Variants in PRDM13 observed in about 807,000 individuals in gnomAD.
PRDM13 encodes the protein PR domain zinc finger protein 13.
A neutral mutation model predicts 36.4 loss-of-function variants in PRDM13; 15 were observed. That is an observed-to-expected ratio of 0.41 (90% CI 0.28 to 0.64). The LOEUF is 0.64. PRDM13 is among the 30% of genes least tolerant of loss of function. The pLI is 0.29. For missense variants in PRDM13, 1,044 were observed against 1,013.5 expected (o/e 1.03, Z -0.41); for synonymous variants, 531 against 467.7 (o/e 1.14, Z -1.75).
At position 99,606,870 on chromosome 6, in the gene PRDM13, C is replaced by G; in HGVS notation, c.-165C>G. 4.3e-6 allele frequency: 4 copies of G among 937,254 alleles called. No individual in the cohort carries two copies. The highest frequency in any genetic ancestry group is 6.1e-6 in the Non-Finnish European group (4 of 659,602). 58.1% of individuals were successfully genotyped at this position (937,254 alleles called of 1,614,324 possible). A position where few individuals can be genotyped will look rare whatever the true frequency, so the allele number is the denominator to read the frequency against. On this transcript the variant is annotated 5_prime_UTR_variant, in exon 1 of 4. Coordinates refer to ENST00000369215, the MANE Select transcript of PRDM13 (RefSeq NM_021620.4). ...TGCGCTAGCGGTGCCAAAAGGCTCC[C>G]GCCCCGATTGAAAAGGCGCAGTGCA...
Position 99,614,321 on chromosome 6 carries a change from A to C in PRDM13, c.1686A>C (p.Gly562=), listed in dbSNP as rs750635230. 1.9e-6 allele frequency: 3 copies of C among 1,605,242 alleles called. No individual in the cohort carries two copies. Among genetic ancestry groups the C allele is most frequent in the Non-Finnish European group, 2.6e-6 (3 of 1,176,268 alleles). Residue 562 remains glycine, a synonymous_variant, in exon 4 of 4, where the codon GGA becomes GGC. Transcript: ENST00000369215. Reference sequence around the variant, plus strand: ...GAGGCACCGGGGGCGGCGGCAGCGGAGGCAGCGGCGCAGGTAAGCCCAAGA... The same window carrying C: ...GAGGCACCGGGGGCGGCGGCAGCGGCGGCAGCGGCGCAGGTAAGCCCAAGA... The part of the protein sequence containing the change: ...AAGGTGGGGS[G]GSGAGKPKTG...
rs750294866 is a variant in PRDM13, at chr6:99,614,123, C to T, written c.1488C>T (p.Ile496=). The stretch of plus-strand genomic sequence containing the variant: ...GGCTGCTGAAGTATCCGGAGTCCAT[C>T]TCCTACTTCAGCGGGCCTGCAGCGG... ...FGGLLKYPES[I]SYFSGPAAAA... is the part of the protein sequence containing the mutation. The change falls in exon 4 of 4, where the codon ATC becomes ATT. Residue 496 remains isoleucine (I), a synonymous_variant. Coordinates refer to ENST00000369215, the MANE Select transcript of PRDM13 (RefSeq NM_021620.4). 6 of 1,598,850 alleles carry T rather than the reference C, an allele frequency of 3.8e-6. No individual in the cohort carries two copies. The highest frequency in any genetic ancestry group is 4.3e-6 in the Non-Finnish European group (5 of 1,174,192).
intron 1 of PRDM13, among the ~76,000 whole-genome samples, chr6:99,607,912 G>T (rs960178203): frequency 1.3e-5 from 2 of 152,228 alleles, no homozygotes; most frequent in African/African-American, 4.8e-5. Flanking sequence ...ACACCGTCGC[G>T]ACCCCTGACC....
At chr6:99,607,423 C>T (rs554098776) in intron 1 of PRDM13, among the ~76,000 whole-genome samples, 6 of 152,104 alleles carry the variant, frequency 3.9e-5, no homozygotes, top group Non-Finnish European at 8.8e-5. Context: ...GCACTGAGCG[C>T]TGTAGGTGCC....
intron 3 of PRDM13, among the ~76,000 whole-genome samples, chr6:99,612,473 G>A (rs972141990): frequency 8.5e-5 from 13 of 152,190 alleles, no homozygotes; most frequent in African/African-American, 2.4e-4. Context: ...AGGCTGGAAG[G>A]GGGTGGAATG....
Position 99,613,082 on chromosome 6 carries a change from C to A in PRDM13, c.447C>A (p.Pro149=). The change falls in exon 4 of 4, where the codon CCC becomes CCA. Residue 149 remains proline (P), a synonymous_variant. Coordinates refer to ENST00000369215, the MANE Select transcript of PRDM13 (RefSeq NM_021620.4). This position sits in a 1 kb window ranked among gnomAD's most constrained non-coding sequence, Gnocchi z 6.1. ...ACTGCTGGAGGACGTTTAGATACCC[C>A]AACAGCCTTAAGGCACACCTGCGTT... The part of the protein sequence containing the change: ...CWYCWRTFRY[P]NSLKAHLRFH... 7 of 1,613,854 alleles carry A rather than the reference C, an allele frequency of 4.3e-6. No individual in the cohort carries two copies. Among genetic ancestry groups the A allele is most frequent in the Non-Finnish European group, 5.9e-6 (7 of 1,180,042 alleles).
rs746951046 is a variant in PRDM13, at chr6:99,614,553, G to T, written c.1918G>T (p.Val640Leu). 4 of 1,612,926 alleles carry T rather than the reference G, an allele frequency of 2.5e-6. No individual in the cohort carries two copies. Among genetic ancestry groups the T allele is most frequent in the Non-Finnish European group, 3.4e-6 (4 of 1,179,928 alleles). Reference sequence around the variant, plus strand: ...CTGCGAGTTCTGCGGCAAGGTACTTGTGCGCCGCCGGGACCTGGAGCGACA... The same window carrying T: ...CTGCGAGTTCTGCGGCAAGGTACTTTTGCGCCGCCGGGACCTGGAGCGACA... ...YRCEFCGKVL[V>L]RRRDLERHVK... The change falls in exon 4 of 4, where the codon GTG becomes TTG. Residue 640 changes from valine to leucine, a missense_variant. This residue lies in a region of PRDM13 where 115 missense variants were observed against 122.1 expected (regional missense o/e 0.94). Transcript: ENST00000369215.
rs1458392620 is a variant in PRDM13 at position 99,614,438 on chromosome 6, C to G, written c.1803C>G (p.Leu601=). 1 of 1,613,530 alleles carries G rather than the reference C, an allele frequency of 6.2e-7. No individual in the cohort carries two copies. The highest frequency in any genetic ancestry group is 1.3e-5 in the African/African-American group (1 of 74,948). Reference sequence around the variant, plus strand: ...GGACGCACACGGGCTACAAGCCACTCAAGTGCAAAGTCTGTCTGCGGCCCT... The same window carrying G: ...GGACGCACACGGGCTACAAGCCACTGAAGTGCAAAGTCTGTCTGCGGCCCT... The part of the protein sequence containing the change: ...HMRTHTGYKP[L]KCKVCLRPFG... Residue 601 remains leucine, a synonymous_variant, in exon 4 of 4, where the codon CTC becomes CTG. Coordinates refer to ENST00000369215, the MANE Select transcript of PRDM13 (RefSeq NM_021620.4).
Position 99,614,492 on chromosome 6 carries a change from C to T in PRDM13, c.1857C>T (p.His619=), listed in dbSNP as rs1424703070. The T allele has an allele frequency of 1.2e-6, 2 of 1,613,386 alleles. No homozygotes were observed. ...GCGACCCCAGCAATCTCAACAAGCA[C>T]ATCCGGCTGCACGCCGAGGGCAATA... is the stretch of plus-strand genomic sequence containing the variant. ...PFGDPSNLNK[H]IRLHAEGNTP... Residue 619 remains histidine (H), a synonymous_variant, in exon 4 of 4, where the codon CAC becomes CAT. Transcript: ENST00000369215.
In PRDM13 at chr6:99,613,003, C is replaced by CG. The variant is rs749950467; in HGVS notation, c.398-27dup. ...TATGTCTCGCTTGTTCGCCTCTCAC[C>CG]GGGTCGCTTTTCCATTCTTTCTTGC... On this transcript the variant is annotated intron_variant, in intron 3 of 3. Coordinates refer to ENST00000369215, the MANE Select transcript of PRDM13 (RefSeq NM_021620.4). This position sits in a 1 kb window ranked among gnomAD's most constrained non-coding sequence, Gnocchi z 6.1. 6.2e-7 allele frequency: 1 copy of CG among 1,610,862 alleles called. No homozygotes were observed. Among genetic ancestry groups the CG allele is most frequent in the Non-Finnish European group, 8.5e-7 (1 of 1,178,858 alleles).
Position 99,615,258 on chromosome 6 carries a change from A to G in PRDM13, c.*499A>G, listed in dbSNP as rs1341769129. 1 of 161,774 alleles carries G rather than the reference A, an allele frequency of 6.2e-6. No individual in the cohort carries two copies. Among genetic ancestry groups the G allele is most frequent in the Non-Finnish European group, 1.4e-5 (1 of 73,926 alleles). 10.0% of individuals were successfully genotyped at this position (161,774 alleles called of 1,614,324 possible). A position where few individuals can be genotyped will look rare whatever the true frequency, so the allele number is the denominator to read the frequency against. On this transcript the variant is annotated 3_prime_UTR_variant, in exon 4 of 4. Transcript: ENST00000369215. ...ACAATTGGGTAGATGTGACATCCAT[A>G]TACTTGTTTACATTTTATCTGTTCT...
Position 99,607,196 on chromosome 6 carries a change from C to G in PRDM13, c.144+18C>G. Reference sequence around the variant, plus strand: ...AGAAAAAGGTATTGACCATTCAGACCTCTGCCCACTGCCATTCGCCTCTCA... The same window carrying G: ...AGAAAAAGGTATTGACCATTCAGACGTCTGCCCACTGCCATTCGCCTCTCA... On this transcript the variant is annotated intron_variant, in intron 1 of 3. Coordinates refer to ENST00000369215, the MANE Select transcript of PRDM13 (RefSeq NM_021620.4). 1 of 1,611,970 alleles carries G rather than the reference C, an allele frequency of 6.2e-7. No individual in the cohort carries two copies. The highest frequency in any genetic ancestry group is 8.5e-7 in the Non-Finnish European group (1 of 1,179,546).
intron 3 of PRDM13, among the ~76,000 whole-genome samples, chr6:99,611,192 C>T (rs1047695157): frequency 7.2e-5 from 11 of 152,122 alleles, no homozygotes; most frequent in Admixed American, 7.2e-4. Context: ...TGGCTGCTAT[C>T]CTCCTAATAC....
At position 99,614,033 on chromosome 6, in the gene PRDM13, C is replaced by T. The variant is rs959490421; in HGVS notation, c.1398C>T (p.Asn466=). Residue 466 remains asparagine (N), a synonymous_variant, in exon 4 of 4, where the codon AAC becomes AAT. Coordinates refer to ENST00000369215, the MANE Select transcript of PRDM13 (RefSeq NM_021620.4). ...PAVMPAFTVY[N]GELLYGSPAT... ...TCATGCCGGCCTTTACAGTCTACAA[C>T]GGGGAGCTGCTCTACGGCTCACCGG... is the stretch of plus-strand genomic sequence containing the variant. 1.2e-6 allele frequency: 2 copies of T among 1,610,564 alleles called. No homozygotes were observed.
rs915626834 is a variant in PRDM13 at position 99,614,448 on chromosome 6, G to A, written c.1813G>A (p.Val605Ile). 2.5e-6 allele frequency: 4 copies of A among 1,613,494 alleles called. No individual in the cohort carries two copies. The African/African-American group carries it at 4.0e-5, about 16-fold the overall frequency. Residue 605 changes from valine to isoleucine, a missense_variant, in exon 4 of 4, where the codon GTC (valine) becomes ATC (isoleucine). Around this residue, in one of 3 missense-constraint regions of PRDM13, gnomAD observed 921 missense variants for 865.2 expected, o/e 1.06. Coordinates refer to ENST00000369215, the MANE Select transcript of PRDM13 (RefSeq NM_021620.4). ...GGGCTACAAGCCACTCAAGTGCAAA[G>A]TCTGTCTGCGGCCCTTCGGCGACCC... ...HTGYKPLKCKVCLRPFGDPSN... is the reference protein window; with the variant it reads ...HTGYKPLKCKICLRPFGDPSN...
rs74768350 is a variant in PRDM13, at chr6:99,615,063, G to A, written c.*304G>A. On this transcript the variant is annotated 3_prime_UTR_variant, in exon 4 of 4. Coordinates refer to ENST00000369215, the MANE Select transcript of PRDM13 (RefSeq NM_021620.4). ...GAACCGCCCAGGCGGTCTGCTCTTG[G>A]TGTTCAGAATCACATCAATGCGAAC... 732 of 437,512 alleles carry A rather than the reference G, an allele frequency of 1.7e-3. 4 individuals are homozygous for A. The highest frequency in any genetic ancestry group is 0.014 in the African/African-American group (676 of 49,494). The allele number at this position is 437,512 out of a possible 1,614,324, so 27.1% of individuals were successfully genotyped here.
Position 99,614,115 on chromosome 6 carries a change from G to A in PRDM13, c.1480G>A (p.Glu494Lys). 6.3e-7 allele frequency: 1 copy of A among 1,599,860 alleles called. No homozygotes were observed. The highest frequency in any genetic ancestry group is 8.5e-7 in the Non-Finnish European group (1 of 1,174,704). Residue 494 changes from glutamate to lysine, a missense_variant, in exon 4 of 4, where the codon GAG (glutamate) becomes AAG (lysine). Physicochemically the swap from Glu to Lys is moderately conservative, Grantham distance 56 (BLOSUM62 1). Coordinates refer to ENST00000369215, the MANE Select transcript of PRDM13 (RefSeq NM_021620.4). Reference protein sequence around the residue: ...LHFGGLLKYPESISYFSGPAA... With the variant: ...LHFGGLLKYPKSISYFSGPAA... ...CTTCGGCGGGCTGCTGAAGTATCCG[G>A]AGTCCATCTCCTACTTCAGCGGGCC...
Position 99,613,578 on chromosome 6 carries a change from G to A in PRDM13, c.943G>A (p.Glu315Lys). 1 of 1,501,290 alleles carries A rather than the reference G, an allele frequency of 6.7e-7. No individual in the cohort carries two copies. The highest frequency in any genetic ancestry group is 8.8e-7 in the Non-Finnish European group (1 of 1,134,708). The allele number at this position is 1,501,290 out of a possible 1,614,324, so 93.0% of individuals were successfully genotyped here. Reference protein sequence around the residue: ...AAAHGDPYREESSSKQGAGLA... With the variant: ...AAAHGDPYREKSSSKQGAGLA... ...CGCTCACGGCGACCCCTACCGGGAG[G>A]AGAGCAGCAGCAAGCAAGGAGCCGG... The change falls in exon 4 of 4, where the codon GAG (glutamate) becomes AAG (lysine). Residue 315 changes from glutamate to lysine, a missense_variant. Transcript: ENST00000369215. This position sits in a 1 kb window ranked among gnomAD's most constrained non-coding sequence, Gnocchi z 6.1.
chr6:99,606,855 G>A lies in PRDM13; in HGVS notation c.-180G>A. The A allele has an allele frequency of 2.5e-6, 2 of 799,464 alleles. No homozygotes were observed. The highest frequency in any genetic ancestry group is 1.8e-5 in the African/African-American group (1 of 54,938). 49.5% of individuals were successfully genotyped at this position (799,464 alleles called of 1,614,324 possible). A position where few individuals can be genotyped will look rare whatever the true frequency, so the allele number is the denominator to read the frequency against. On this transcript the variant is annotated 5_prime_UTR_variant, in exon 1 of 4. In the 5' UTR this introduces an upstream ATG that the reference lacks. Coordinates refer to ENST00000369215, the MANE Select transcript of PRDM13 (RefSeq NM_021620.4). ...CAAACTCCGCGCCCTTGCGCTAGCGGTGCCAAAAGGCTCCCGCCCCGATTG... is the reference window on the plus strand; with the variant it reads ...CAAACTCCGCGCCCTTGCGCTAGCGATGCCAAAAGGCTCCCGCCCCGATTG...
Sources: allele counts gnomAD v4.1 joint callset (sites outside exome capture counted in the v4.1 genomes callset), GRCh38; gene constraint gnomAD v4.1.1; regional missense constraint gnomAD v4.1.1; non-coding constraint Gnocchi (gnomAD v3.1); transcripts MANE v1.5; gene names NCBI Gene and HGNC (gene_info 2026-07-23, HGNC 2026-07-21).